CLASP1: variants seen among roughly 807,000 people sequenced by gnomAD.
CLASP1 encodes cytoplasmic linker associated protein 1.
Under a neutral mutation model 192.3 loss-of-function variants are expected in CLASP1, and 38 were observed. The ratio of observed to expected loss-of-function variants is 0.20; its 90% CI spans 0.15 to 0.26. CLASP1 has a LOEUF of 0.26. Ranked by LOEUF, CLASP1 falls within the 10% of genes least tolerant of loss-of-function variation. The pLI, the probability that CLASP1 is intolerant of heterozygous loss-of-function variation, is 1.00. For missense variants in CLASP1, 1,433 were observed against 1,932.5 expected (o/e 0.74, Z 4.85); for synonymous variants, 691 against 712.8 (o/e 0.97, Z 0.49).
At chr2:121,577,170 G>C (rs1427864910) in intron 2 of CLASP1, among the ~76,000 whole-genome samples, 1 of 151,910 alleles carries the variant, frequency 6.6e-6, no homozygotes, top group African/African-American at 2.4e-5. Context: ...GTTGAAGCTG[G>C]ATGATGAGTA....
intron 34 of CLASP1, among the ~76,000 whole-genome samples, chr2:121,374,153 T>C (rs1045696328): frequency 6.6e-6 from 1 of 152,224 alleles, no homozygotes; most frequent in Non-Finnish European, 1.5e-5. Flanking sequence ...CCTTGGTACA[T>C]GGTGCCCTGC....
intron 23 of CLASP1, among the ~76,000 whole-genome samples, chr2:121,414,155 G>A (rs2078178381): frequency 6.6e-6 from 1 of 152,198 alleles, no homozygotes; most frequent in Non-Finnish European, 1.5e-5. Flanking sequence ...CTGCCCAACA[G>A]ATTCAGCAGT....
At position 121,344,710 on chromosome 2, in the gene CLASP1, A is replaced by G. The variant is rs2063227206; in HGVS notation, c.4530+2328T>C. Among the ~76,000 whole-genome samples, 3 of 152,138 alleles carry G rather than the reference A, an allele frequency of 2.0e-5. No homozygotes were observed. The South Asian group carries it at 6.2e-4, about 31-fold the overall frequency. On this transcript the variant is annotated intron_variant, in intron 39 of 39. Coordinates refer to ENST00000263710, the Ensembl canonical transcript of CLASP1. ...CTGGAACACAGGGAGCCATGACTTG[A>G]TTCTCTTTGTTTCTAGTCAAGGAAA... is the stretch of plus-strand genomic sequence containing the variant.
chr2:121,581,588 G>T (rs2061176313), intron 2 of CLASP1, among the ~76,000 whole-genome samples: 1 of 152,098 alleles, frequency 6.6e-6, no homozygotes, highest in African/African-American at 2.4e-5. Context: ...TTGTTCTTAA[G>T]TAAGAAATAA....
chr2:121,416,122 G>C (rs575025744), intron 23 of CLASP1, among the ~76,000 whole-genome samples: 3 of 152,164 alleles, frequency 2.0e-5, no homozygotes, highest in Non-Finnish European at 4.4e-5. Context: ...TACCTGATAT[G>C]TAGGTTCCTT....
intron 38 of CLASP1, 122 bp downstream of exon 39, chr2:121,348,390 G>A: frequency 1.2e-6 from 1 of 835,662 alleles, no homozygotes; most frequent in Non-Finnish European, 1.9e-6. Flanking sequence ...GGCCTCACAG[G>A]TCCTGCCTGG....
rs577333326 is a variant in CLASP1 at position 121,629,430 on chromosome 2, G to A, written c.-286+19942C>T. Among the ~76,000 whole-genome samples, 45 of 151,930 alleles carry A rather than the reference G, an allele frequency of 3.0e-4. 1 individual carries two copies. The highest frequency in any genetic ancestry group is 1.1e-3 in the African/African-American group (44 of 41,490). On this transcript the variant is annotated intron_variant, in intron 1 of 39. Transcript: ENST00000263710. ...AAATAAAAAATAAATAAATAAATCT[G>A]TTCTTATTGGACTTTAAAGGTATCT... is the stretch of plus-strand genomic sequence containing the variant.
At chr2:121,585,343 A>G (rs1274036199) in intron 2 of CLASP1, among the ~76,000 whole-genome samples, 2 of 152,228 alleles carry the variant, frequency 1.3e-5, no homozygotes, top group Non-Finnish European at 2.9e-5. Context: ...AGCATTTGTC[A>G]GCAGGTTACA....
chr2:121,483,620 T>C (rs1006934393), intron 8 of CLASP1, among the ~76,000 whole-genome samples: 1 of 151,916 alleles, frequency 6.6e-6, no homozygotes, highest in Non-Finnish European at 1.5e-5. Flanking sequence ...TTGGGTTTAT[T>C]TTCTCCAATT....
chr2:121,589,996 T>A (rs2062197607), intron 2 of CLASP1, among the ~76,000 whole-genome samples: 1 of 152,140 alleles, frequency 6.6e-6, no homozygotes, highest in South Asian at 2.1e-4. Context: ...ACAATTTTCA[T>A]CAATCAGTTA....
Position 121,451,827 on chromosome 2 carries a change from A to C in CLASP1, c.1408T>G (p.Leu470Val), listed in dbSNP as rs761103080. ...TGTGTCTGCCATTCTTGTAAAAGCAAATCTAAAAATTCAAAACAGCGCCTA... is the reference window on the plus strand; with the variant it reads ...TGTGTCTGCCATTCTTGTAAAAGCACATCTAAAAATTCAAAACAGCGCCTA... Residue 470 changes from leucine to valine, a missense_variant, in exon 15 of 40, where the codon TTG becomes GTG. Physicochemically the swap from Leu to Val is conservative, Grantham distance 32. Around this residue, in one of 8 missense-constraint regions of CLASP1, gnomAD observed 113 missense variants for 239.5 expected, o/e 0.47. Coordinates refer to ENST00000263710, the Ensembl canonical transcript of CLASP1. The C allele has an allele frequency of 5.7e-6, 9 of 1,572,028 alleles. No individual in the cohort carries two copies. The highest frequency in any genetic ancestry group is 2.3e-5 in the South Asian group (2 of 85,382).
intron 2 of CLASP1, among the ~76,000 whole-genome samples, chr2:121,553,243 T>C (rs1290392976): frequency 2.0e-5 from 3 of 152,146 alleles, no homozygotes; most frequent in Non-Finnish European, 4.4e-5. Context: ...TTTTGGGTAC[T>C]GGGCTTAATA....
intron 19 of CLASP1, among the ~76,000 whole-genome samples, chr2:121,433,796 G>A (rs374717971): frequency 1.1e-4 from 17 of 152,072 alleles, no homozygotes; most frequent in African/African-American, 2.4e-4. Flanking sequence ...CTAAACCTAC[G>A]TGGTCATGAC....
At chr2:121,451,096 C>T (rs1476507201) in intron 15 of CLASP1, 106 bp from the exon 16 acceptor site, 10 of 794,742 alleles carry the variant, frequency 1.3e-5, no homozygotes, top group Admixed American at 2.1e-5. Context: ...GAGCTGGGAG[C>T]CTCTGTGCCA....
intron 10 of CLASP1, among the ~76,000 whole-genome samples, chr2:121,461,999 G>A (rs892590303): frequency 2.0e-5 from 3 of 152,178 alleles, no homozygotes; most frequent in Non-Finnish European, 4.4e-5. Flanking sequence ...CAGACAGTCA[G>A]TGTAGGCTGA....
At chr2:121,352,206 G>A (rs998615370) in intron 37 of CLASP1, among the ~76,000 whole-genome samples, 2 of 152,214 alleles carry the variant, frequency 1.3e-5, no homozygotes, top group African/African-American at 2.4e-5. Context: ...TGTTCTGCGG[G>A]CCTTCCTCCA....
At chr2:121,460,912 G>T (rs1250367956) in intron 11 of CLASP1, among the ~76,000 whole-genome samples, 189 bp downstream of exon 11, 1 of 152,160 alleles carries the variant, frequency 6.6e-6, no homozygotes, top group Admixed American at 6.5e-5. Flanking sequence ...AAAGGTGTAA[G>T]TTGGTGTGTT....
At chr2:121,351,720 A>C (rs574839057) in intron 37 of CLASP1, among the ~76,000 whole-genome samples, 85 of 152,340 alleles carry the variant, frequency 5.6e-4, no homozygotes, top group African/African-American at 2.0e-3. Flanking sequence ...TTATGGATGA[A>C]TCCCTGGTGG....
chr2:121,422,228 T>A (rs2149582975), intron 22 of CLASP1, among the ~76,000 whole-genome samples: 1 of 152,302 alleles, frequency 6.6e-6, no homozygotes, highest in East Asian at 1.9e-4. Flanking sequence ...ATAAGAGAAT[T>A]AATAAAAACA....
Sources: allele counts gnomAD v4.1 joint callset (sites outside exome capture counted in the v4.1 genomes callset), GRCh38; gene constraint gnomAD v4.1.1; regional missense constraint gnomAD v4.1.1; transcripts MANE v1.5; gene names NCBI Gene and HGNC (gene_info 2026-07-23, HGNC 2026-07-21).